The following TRMT11 variants were observed in gnomAD, a reference collection of about 807,000 sequenced individuals.
The protein encoded by TRMT11 is tRNA (guanine(10)-N(2))-methyltransferase TRMT11.
TRMT11 carries 53 observed loss-of-function variants against 62.8 expected under a neutral mutation model. The ratio of observed to expected loss-of-function variants is 0.84; its 90% CI spans 0.68 to 1.06. TRMT11 has a LOEUF of 1.06. Among genes scored for constraint, TRMT11 ranks in the 50% least tolerant of loss-of-function variants. TRMT11 has a pLI of 0.00. For synonymous variants in TRMT11, 188 were observed against 190.3 expected, an observed-to-expected ratio of 0.99 and a Z score of 0.10; for missense variants, 556 against 553.4, an observed-to-expected ratio of 1.00 and a Z score of -0.05.
the TRMT11 span, among the ~76,000 whole-genome samples, chr6:126,228,304 T>A: frequency 3.3e-5 from 5 of 152,198 alleles, no homozygotes; most frequent in Admixed American, 6.5e-5. Flanking sequence ...AAGTCCAGTG[T>A]CAGGGACAGA....
chr6:126,079,172 T>C (rs1368933561), intron 17 of TRMT11, among the ~76,000 whole-genome samples: 2 of 152,298 alleles, frequency 1.3e-5, no homozygotes, highest in South Asian at 4.1e-4. Flanking sequence ...ACAAGATAGC[T>C]AAGCTCCTAA....
At chr6:126,174,630 A>G (rs1244800653), upstream of TRMT11, among the ~76,000 whole-genome samples, 2 of 152,216 alleles carry the variant, frequency 1.3e-5, no homozygotes, top group Non-Finnish European at 2.9e-5. Context: ...TAAAATAGGA[A>G]CAGTATTTGA....
intron 21 of TRMT11, among the ~76,000 whole-genome samples, chr6:126,161,103 T>C (rs540325443): frequency 2.0e-5 from 3 of 152,270 alleles, no homozygotes; most frequent in Non-Finnish European, 2.9e-5. Flanking sequence ...TATTATACTT[T>C]AAGTTCTGGG....
At chr6:126,178,009 A>T (rs529155620) in intron 1 of TRMT11, among the ~76,000 whole-genome samples, 2 of 152,116 alleles carry the variant, frequency 1.3e-5, no homozygotes, top group South Asian at 4.1e-4. Context: ...CAAACTGGGG[A>T]TTCTCTTTAA....
chr6:126,072,922 T>C (rs1274741527), intron 17 of TRMT11, among the ~76,000 whole-genome samples: 1 of 152,166 alleles, frequency 6.6e-6, no homozygotes, highest in Non-Finnish European at 1.5e-5. Context: ...CTTCAACATA[T>C]GGATTTTGGT....
At chr6:126,061,539 A>C (rs1776535438) in intron 17 of TRMT11, among the ~76,000 whole-genome samples, 1 of 118,704 alleles carries the variant, frequency 8.4e-6, no homozygotes. Context: ...AGGATCAGTC[A>C]ATTTTTTTTT....
At position 125,992,429 on chromosome 6, in the gene TRMT11, A is replaced by C. The variant is rs189485248; in HGVS notation, c.73-1328A>C. 2.0e-5 allele frequency among the ~76,000 whole-genome samples: 3 copies of C among 152,322 alleles called. 1 individual carries two copies. Among genetic ancestry groups the C allele is most frequent in the Admixed American group, 2.0e-4 (3 of 15,306 alleles). ...AAACAACAATCATGCAAGATGAAGTAATTTAATCTATAACTTTATTTTTTT... is the reference window on the plus strand; with the variant it reads ...AAACAACAATCATGCAAGATGAAGTCATTTAATCTATAACTTTATTTTTTT... On this transcript the variant is annotated intron_variant, in intron 1 of 12. Coordinates refer to ENST00000334379, the MANE Select transcript of TRMT11 (RefSeq NM_001031712.3).
chr6:126,254,063 C>A, the TRMT11 span, among the ~76,000 whole-genome samples: 2 of 152,156 alleles, frequency 1.3e-5, no homozygotes, highest in African/African-American at 4.8e-5. Context: ...GACAAAGCAC[C>A]ATCCTTGGCC....
chr6:126,136,783 G>A (rs1777855109), intron 21 of TRMT11, among the ~76,000 whole-genome samples: 1 of 151,664 alleles, frequency 6.6e-6, no homozygotes, highest in Non-Finnish European at 1.5e-5. Context: ...CATAAAAACA[G>A]AGACATAGAC....
chr6:126,103,867 G>C (rs60982248), intron 17 of TRMT11, among the ~76,000 whole-genome samples: 20,590 of 152,004 alleles, frequency 0.14, 3,047 homozygotes, highest in African/African-American at 0.37. Flanking sequence ...GCTATATTCT[G>C]TTGATTGGAA....
chr6:126,202,852 A>C (rs1268857541), downstream of TRMT11, among the ~76,000 whole-genome samples: 1 of 152,108 alleles, frequency 6.6e-6, no homozygotes, highest in African/African-American at 2.4e-5. Flanking sequence ...GTTTGCTGTA[A>C]ATTTAAACTG....
At chr6:126,216,267 A>G in the TRMT11 span, among the ~76,000 whole-genome samples, 2 of 152,078 alleles carry the variant, frequency 1.3e-5, no homozygotes, top group Non-Finnish European at 2.9e-5. Flanking sequence ...ATATTACTCT[A>G]GGACAAACAC....
chr6:126,245,839 T>C, the TRMT11 span, among the ~76,000 whole-genome samples: 1 of 152,202 alleles, frequency 6.6e-6, no homozygotes, highest in Non-Finnish European at 1.5e-5. Flanking sequence ...GGCTCATGCC[T>C]ATAATTCTAG....
intron 7 of TRMT11, among the ~76,000 whole-genome samples, chr6:126,003,187 C>A (rs982216097): frequency 6.6e-6 from 1 of 152,060 alleles, no homozygotes; most frequent in Non-Finnish European, 1.5e-5. Flanking sequence ...CAACCCGCAG[C>A]CCATGGACCA....
chr6:126,030,114 G>A (rs1017136294), intron 12 of TRMT11, among the ~76,000 whole-genome samples: 6 of 152,158 alleles, frequency 3.9e-5, no homozygotes, highest in African/African-American at 1.4e-4. Context: ...TTCTCATTAA[G>A]AATAATGCTA....
At chr6:126,028,516 A>T (rs1583787569) in intron 12 of TRMT11, among the ~76,000 whole-genome samples, 1 of 152,324 alleles carries the variant, frequency 6.6e-6, no homozygotes, top group Admixed American at 6.5e-5. Flanking sequence ...AGAAGCAGAC[A>T]GTAGCCTGGT....
intron 16 of TRMT11, among the ~76,000 whole-genome samples, chr6:126,045,015 A>G (rs1308586912): frequency 6.6e-6 from 1 of 152,040 alleles, no homozygotes; most frequent in Non-Finnish European, 1.5e-5. Flanking sequence ...GTGAAACCCC[A>G]TCTCTACTAA....
At chr6:125,991,005 G>T (rs1330603483) in intron 1 of TRMT11, among the ~76,000 whole-genome samples, 1 of 151,922 alleles carries the variant, frequency 6.6e-6, no homozygotes, top group Admixed American at 6.6e-5. Context: ...CCAGTACTTT[G>T]GGAGGCTGAG....
chr6:126,199,208 C>G (rs1486560765), intron 2 of TRMT11, among the ~76,000 whole-genome samples: 1 of 152,198 alleles, frequency 6.6e-6, no homozygotes, highest in Non-Finnish European at 1.5e-5. Context: ...ACAAACACTT[C>G]TAATATGCTC....
Sources: allele counts gnomAD v4.1 joint callset (sites outside exome capture counted in the v4.1 genomes callset), GRCh38; gene constraint gnomAD v4.1.1; transcripts MANE v1.5; gene names NCBI Gene and HGNC (gene_info 2026-07-23, HGNC 2026-07-21).